The following TAFA5 variants were observed in gnomAD, a reference collection of about 807,000 sequenced individuals.
TAFA5 encodes chemokine-like protein TAFA-5.
TAFA5 carries 6 observed loss-of-function variants against 15.3 expected under a neutral mutation model. That is an observed-to-expected ratio of 0.39 (90% CI 0.21 to 0.77). The LOEUF is 0.77. Ranked by LOEUF, TAFA5 falls within the 30% of genes least tolerant of loss-of-function variation. The pLI is 0.41. For synonymous variants in TAFA5, 103 were observed against 80.7 expected, an observed-to-expected ratio of 1.28 and a Z score of -1.48; for missense variants, 161 against 193.1, an observed-to-expected ratio of 0.83 and a Z score of 0.98.
intron 1 of TAFA5, among the ~76,000 whole-genome samples, chr22:48,599,725 G>A (rs1008292572): frequency 1.3e-5 from 2 of 152,254 alleles, no homozygotes; most frequent in Non-Finnish European, 2.9e-5. Flanking sequence ...GGCTGCCCCT[G>A]GTTCTGCTGG....
intron 1 of TAFA5, among the ~76,000 whole-genome samples, chr22:48,495,805 C>G (rs1034269488): frequency 6.6e-6 from 1 of 152,186 alleles, no homozygotes; most frequent in Non-Finnish European, 1.5e-5. Flanking sequence ...CCCTCCTCCC[C>G]GGCTCTCACC....
At chr22:48,544,833 G>A (rs1347224282) in intron 1 of TAFA5, 2 of 471,124 alleles carry the variant, frequency 4.2e-6, no homozygotes, top group Non-Finnish European at 8.8e-6. Flanking sequence ...GGGGTCCCAC[G>A]CTGCCTCTGA....
intron 3 of TAFA5, among the ~76,000 whole-genome samples, chr22:48,709,618 C>G (rs886449119): frequency 7.2e-5 from 11 of 152,206 alleles, no homozygotes; most frequent in African/African-American, 2.7e-4. Context: ...ACTTCTCAGT[C>G]GCCCTTTGAT....
chr22:48,600,849 G>A (rs541241289), intron 1 of TAFA5, among the ~76,000 whole-genome samples: 9 of 152,292 alleles, frequency 5.9e-5, no homozygotes, highest in South Asian at 2.1e-4. Context: ...GAGCCAGGGC[G>A]GTTACCGGAT....
At chr22:48,546,272 A>C (rs2147123689) in intron 1 of TAFA5, among the ~76,000 whole-genome samples, 1 of 152,338 alleles carries the variant, frequency 6.6e-6, no homozygotes, top group Admixed American at 6.5e-5. Flanking sequence ...TGAGGCTCCC[A>C]TGCCGGCGTG....
chr22:48,630,418 T>G (rs738697), intron 1 of TAFA5, among the ~76,000 whole-genome samples: 1 of 152,086 alleles, frequency 6.6e-6, no homozygotes, highest in Non-Finnish European at 1.5e-5. Context: ...CACTGCTGCC[T>G]CGGCCCTGGC....
chr22:48,630,868 C>T (rs1347151794), intron 1 of TAFA5, among the ~76,000 whole-genome samples: 1 of 152,164 alleles, frequency 6.6e-6, no homozygotes, highest in Non-Finnish European at 1.5e-5. Flanking sequence ...GAGCCCAAAT[C>T]TGCCCCCTAT....
At chr22:48,573,985 C>T (rs1923673811) in intron 1 of TAFA5, among the ~76,000 whole-genome samples, 1 of 152,138 alleles carries the variant, frequency 6.6e-6, no homozygotes, top group Non-Finnish European at 1.5e-5. Flanking sequence ...AGCCCTGTGC[C>T]AGGTGAGGGA....
intron 1 of TAFA5, among the ~76,000 whole-genome samples, chr22:48,522,623 G>T (rs1921643527): frequency 6.6e-6 from 1 of 152,178 alleles, no homozygotes; most frequent in Non-Finnish European, 1.5e-5. Flanking sequence ...CACAGGGCCT[G>T]AGTCCTCTCA....
At chr22:48,522,749 C>A (rs1921648294) in intron 1 of TAFA5, among the ~76,000 whole-genome samples, 1 of 152,206 alleles carries the variant, frequency 6.6e-6, no homozygotes, top group African/African-American at 2.4e-5. Context: ...TCACCTGGGC[C>A]TGTGGGTGGA....
chr22:48,720,159 G>A (rs1050457811), intron 3 of TAFA5, among the ~76,000 whole-genome samples: 6 of 152,164 alleles, frequency 3.9e-5, no homozygotes, highest in South Asian at 2.1e-4. Context: ...TGGGTGTGGC[G>A]GGGCTGGGGA....
At chr22:48,516,483 G>A (rs900804684) in intron 1 of TAFA5, among the ~76,000 whole-genome samples, 5 of 152,214 alleles carry the variant, frequency 3.3e-5, no homozygotes, top group East Asian at 1.9e-4. Flanking sequence ...GAACGAAATG[G>A]GGGCCCGCCC....
chr22:48,550,098 A>T lies in TAFA5; in HGVS notation c.112+60394A>T, dbSNP rs774233288. On this transcript the variant is annotated intron_variant, in intron 1 of 3. Coordinates refer to ENST00000402357, the MANE Select transcript of TAFA5 (RefSeq NM_001082967.3). This position sits in a 1 kb window ranked among gnomAD's most constrained non-coding sequence, Gnocchi z 4.1. ...CTCGTATGTGGCAAAGCTGGCCTGT[A>T]TCAGAAGCTGGGAACTTTGGGGTAT... 6.6e-6 allele frequency among the ~76,000 whole-genome samples: 1 copy of T among 152,336 alleles called. No homozygotes were observed. Among genetic ancestry groups the T allele is most frequent in the South Asian group, 2.1e-4 (1 of 4,830 alleles).
intron 2 of TAFA5, among the ~76,000 whole-genome samples, chr22:48,661,483 C>T (rs892785753): frequency 1.3e-5 from 2 of 152,226 alleles, no homozygotes; most frequent in African/African-American, 4.8e-5. Context: ...TTGTCTGCGT[C>T]TTTCCAAAGA....
At chr22:48,741,317 G>A (rs1035010325) in intron 3 of TAFA5, among the ~76,000 whole-genome samples, 15 of 152,208 alleles carry the variant, frequency 9.9e-5, no homozygotes, top group Non-Finnish European at 2.1e-4. Flanking sequence ...AGCTGGAACC[G>A]TCCTCACCGC....
chr22:48,620,592 C>T (rs1050719915), intron 1 of TAFA5, among the ~76,000 whole-genome samples: 17 of 151,218 alleles, frequency 1.1e-4, no homozygotes, highest in Admixed American at 2.0e-4. Flanking sequence ...TCCGTCCACC[C>T]ACCCCCCTAC....
intron 3 of TAFA5, among the ~76,000 whole-genome samples, chr22:48,748,102 C>G (rs1930380395): frequency 6.6e-6 from 1 of 152,126 alleles, no homozygotes; most frequent in Non-Finnish European, 1.5e-5. Flanking sequence ...AGGCTCAGGA[C>G]CACGCCCTCC....
At chr22:48,557,094 C>T (rs952731953) in intron 1 of TAFA5, among the ~76,000 whole-genome samples, 8 of 152,168 alleles carry the variant, frequency 5.3e-5, no homozygotes, top group East Asian at 1.9e-4. Flanking sequence ...GGTTCAGGGC[C>T]GGCAGCAGTA....
intron 2 of TAFA5, among the ~76,000 whole-genome samples, chr22:48,652,840 GCTTC>G (rs1927104126): frequency 6.6e-6 from 1 of 151,254 alleles, no homozygotes; most frequent in South Asian, 2.1e-4. Flanking sequence ...GGACATGTCG[GCTTC>G]CTTCTGGGGG....
Sources: gnomAD v4.1 joint callset for allele counts (sites outside exome capture counted in the v4.1 genomes callset) on GRCh38, gnomAD v4.1.1 for gene constraint, Gnocchi (gnomAD v3.1) non-coding constraint, MANE v1.5 for transcripts, NCBI Gene and HGNC (gene_info 2026-07-23, HGNC 2026-07-21) for gene names.